The following DMD variants were observed in gnomAD, a reference collection of about 807,000 sequenced individuals.
DMD encodes the protein dystrophin.
A neutral mutation model predicts 330.1 loss-of-function variants in DMD; 63 were observed. The ratio of observed to expected loss-of-function variants is 0.19; its 90% CI spans 0.16 to 0.24. DMD has a LOEUF of 0.24. DMD is among the 10% of genes least tolerant of loss of function. The pLI is 1.00. For missense variants in DMD, 3,344 were observed against 2,684.1 expected (o/e 1.25, Z -5.43); for synonymous variants, 1,223 against 959.8 (o/e 1.27, Z -5.07).
chrX:32,191,855 G>A (rs2147605535), intron 44 of DMD, among the ~76,000 whole-genome samples: 1 of 111,804 alleles, frequency 8.9e-6, no homozygotes, highest in African/African-American at 3.2e-5. Context: ...TACAGAGGTA[G>A]GCATTCATTG....
chrX:31,301,033 G>A (rs2054602762), intron 62 of DMD, among the ~76,000 whole-genome samples: 1 of 112,255 alleles, frequency 8.9e-6, no homozygotes, highest in African/African-American at 3.2e-5. Context: ...TGGAGCAGAT[G>A]CCATATAAAC....
intron 9 of DMD, among the ~76,000 whole-genome samples, chrX:32,661,405 C>G (rs926398069): frequency 1.8e-5 from 2 of 110,163 alleles, no homozygotes; most frequent in Non-Finnish European, 3.8e-5. Context: ...AGACCTGATT[C>G]ATAAAGGTTA....
intron 55 of DMD, among the ~76,000 whole-genome samples, chrX:31,586,983 G>A (rs2076640305): frequency 9.0e-6 from 1 of 111,105 alleles, no homozygotes; most frequent in Admixed American, 9.6e-5. Context: ...ATTGCATCTA[G>A]GTTTACCATT....
chrX:32,505,239 A>G (rs994717507), intron 18 of DMD, among the ~76,000 whole-genome samples: 1 of 112,276 alleles, frequency 8.9e-6, no homozygotes, highest in African/African-American at 3.2e-5. Context: ...GAAAAGCCAC[A>G]GGCTCAAAGA....
chrX:32,037,401 G>A (rs1455796401), intron 44 of DMD, among the ~76,000 whole-genome samples: 1 of 112,027 alleles, frequency 8.9e-6, no homozygotes, highest in Non-Finnish European at 1.9e-5. Flanking sequence ...TCATGGGCAA[G>A]ATTAACTGAT....
intron 29 of DMD, among the ~76,000 whole-genome samples, chrX:32,431,668 AGTT>A (rs1569562251): frequency 9.0e-6 from 1 of 111,315 alleles, no homozygotes; most frequent in Admixed American, 9.6e-5. Flanking sequence ...TTTTAATTGT[AGTT>A]GTTTAATTTT....
chrX:32,134,528 C>T (rs890843025), intron 44 of DMD, among the ~76,000 whole-genome samples: 2 of 109,661 alleles, frequency 1.8e-5, no homozygotes, highest in Admixed American at 9.7e-5. Flanking sequence ...GGCACAGAAG[C>T]GGGGATGTAA....
At chrX:32,714,656 C>T (rs1352078405) in intron 7 of DMD, among the ~76,000 whole-genome samples, 3 of 111,651 alleles carry the variant, frequency 2.7e-5, no homozygotes, top group Admixed American at 9.5e-5. Context: ...TACAAACTAA[C>T]TTAGGGAGAA....
chrX:31,430,826 G>C (rs1030817024), intron 60 of DMD, among the ~76,000 whole-genome samples: 1 of 84,858 alleles, frequency 1.2e-5, no homozygotes, highest in Non-Finnish European at 2.2e-5. Flanking sequence ...TTTTTTGAGA[G>C]GGAGTCTCAC....
chrX:31,940,705 T>C (rs1603616888), intron 45 of DMD, among the ~76,000 whole-genome samples: 1 of 109,535 alleles, frequency 9.1e-6, no homozygotes, highest in African/African-American at 3.3e-5. Flanking sequence ...ATAGCAGCTT[T>C]AATAAAGATA....
chrX:31,235,288 G>T (rs1322817256), intron 63 of DMD, among the ~76,000 whole-genome samples: 1 of 111,823 alleles, frequency 8.9e-6, no homozygotes, highest in Non-Finnish European at 1.9e-5. Context: ...GTATTCCAAT[G>T]AACATTTTTA....
intron 1 of DMD, among the ~76,000 whole-genome samples, chrX:33,142,247 G>T (rs192716647): frequency 1.8e-3 from 196 of 111,657 alleles, no homozygotes; most frequent in Non-Finnish European, 1.9e-3. Flanking sequence ...CACCATGCTC[G>T]GCTAATTTTG....
intron 7 of DMD, among the ~76,000 whole-genome samples, chrX:32,777,277 T>TGGGGTGGGGGGGGGGTTGGG (rs1557019829): frequency 4.7e-4 from 1 of 2,111 alleles, no homozygotes; most frequent in Non-Finnish European, 7.0e-4. Context: ...GGTTTCTGGT[T>TGGGGTGGGGGGGGGGTTGGG]GGGGGGGGAA....
At chrX:32,870,989 C>CAAAAAA (rs1569537099) in intron 2 of DMD, among the ~76,000 whole-genome samples, 1 of 28,905 alleles carries the variant, frequency 3.5e-5, no homozygotes, top group African/African-American at 1.1e-4. Flanking sequence ...AAAAAAAAAA[C>CAAAAAA]CACAAAACCC....
chrX:33,037,466 T>A (rs1032184117), intron 1 of DMD, among the ~76,000 whole-genome samples: 1 of 111,571 alleles, frequency 9.0e-6, no homozygotes, highest in Non-Finnish European at 1.9e-5. Context: ...CTTGTCTGCA[T>A]AGGGCCATTT....
At chrX:32,463,650 T>C (rs750480803) in intron 24 of DMD, 56 bp from the exon 25 acceptor site, 2 of 1,003,306 alleles carry the variant, frequency 2.0e-6, no homozygotes, top group Admixed American at 3.6e-5. Flanking sequence ...ACATATTAGA[T>C]ATGAAACATA....
intron 76 of DMD, among the ~76,000 whole-genome samples, chrX:31,142,319 G>GA (rs1007635382): frequency 1.8e-4 from 19 of 108,299 alleles, no homozygotes; most frequent in Admixed American, 4.9e-4. Flanking sequence ...GTGGATCAGT[G>GA]AAAAAAAAAT....
intron 2 of DMD, among the ~76,000 whole-genome samples, chrX:32,953,453 A>G (rs1156969048): frequency 8.9e-6 from 1 of 112,267 alleles, no homozygotes; most frequent in Non-Finnish European, 1.9e-5. Flanking sequence ...TAAAAAAATG[A>G]TAAATATTAA....
At chrX:31,406,790 T>C in intron 60 of DMD, among the ~76,000 whole-genome samples, 1 of 111,174 alleles carries the variant, frequency 9.0e-6, no homozygotes, top group Middle Eastern at 4.7e-3. Flanking sequence ...ATACCGCCTT[T>C]TCATAAACAG....
Sources: gnomAD v4.1 joint callset for allele counts (sites outside exome capture counted in the v4.1 genomes callset) on GRCh38, gnomAD v4.1.1 for gene constraint, MANE v1.5 for transcripts, NCBI Gene and HGNC (gene_info 2026-07-23, HGNC 2026-07-21) for gene names.